Variants in UBE2W observed in about 807,000 individuals in gnomAD.
UBE2W encodes the protein ubiquitin-conjugating enzyme E2 W.
UBE2W carries 18 observed loss-of-function variants against 27.2 expected under a neutral mutation model. The observed-to-expected ratio is 0.66, with a 90% CI of 0.46 to 0.98. UBE2W has a LOEUF of 0.98. UBE2W is among the 50% of genes least tolerant of loss of function. The probability of loss-of-function intolerance (pLI) is 0.00; values close to 1 mark genes in which losing one functional copy is unlikely to be tolerated. For missense variants in UBE2W, 90 were observed against 180.2 expected (o/e 0.50, Z 2.87); for synonymous variants, 53 against 57.2 (o/e 0.93, Z 0.33).
chr8:73,875,024 G>C (rs993912931), intron 1 of UBE2W, among the ~76,000 whole-genome samples: 1 of 152,190 alleles, frequency 6.6e-6, no homozygotes, highest in Non-Finnish European at 1.5e-5. Context: ...GGGTGACACA[G>C]TGAGACCCTG....
rs1809474608 is a variant in UBE2W at position 73,818,291 on chromosome 8, A to G, written c.210+6856T>C. On this transcript the variant is annotated intron_variant, in intron 3 of 5. Transcript: ENST00000602593. ...TCAACCTTTAAAACAGGTCCAAAACATGACCACCTTCCAAAACGTCCACTG... is the reference window on the plus strand; with the variant it reads ...TCAACCTTTAAAACAGGTCCAAAACGTGACCACCTTCCAAAACGTCCACTG... Among the ~76,000 whole-genome samples, 4 of 152,270 alleles carry G rather than the reference A, an allele frequency of 2.6e-5. No individual in the cohort carries two copies. In the South Asian group the frequency reaches 8.3e-4, roughly 32 times the overall value.
intron 1 of UBE2W, among the ~76,000 whole-genome samples, chr8:73,844,069 G>A (rs1371784792): frequency 6.6e-6 from 1 of 152,166 alleles, no homozygotes; most frequent in African/African-American, 2.4e-5. Flanking sequence ...GGTCAATGAA[G>A]CCCAATTAAT....
chr8:73,823,995 T>C (rs376369968), intron 3 of UBE2W, among the ~76,000 whole-genome samples: 400 of 152,308 alleles, frequency 2.6e-3, no homozygotes, highest in African/African-American at 8.6e-3. Context: ...ATCTGGGAAA[T>C]ATTTCAGGTA....
rs1807989890 is a variant in UBE2W, at chr8:73,787,135, C to G, written c.*6967G>C. 2 of 985,264 alleles carry G rather than the reference C, an allele frequency of 2.0e-6. No homozygotes were observed. The highest frequency in any genetic ancestry group is 2.4e-6 in the Non-Finnish European group (2 of 829,936). The allele number at this position is 985,264 out of a possible 1,614,324, so 61.0% of individuals were successfully genotyped here. A position where few individuals can be genotyped will look rare whatever the true frequency, so the allele number is the denominator to read the frequency against. On this transcript the variant is annotated 3_prime_UTR_variant, in exon 6 of 6. Coordinates refer to ENST00000602593, the MANE Select transcript of UBE2W (RefSeq NM_018299.6). ...ACTTATGTATTTTGCATTATGCAGG[C>G]AAACATTAAAAATAAATCTTACAGG...
At chr8:73,873,648 C>G (rs1037439979) in intron 1 of UBE2W, among the ~76,000 whole-genome samples, 3 of 151,908 alleles carry the variant, frequency 2.0e-5, no homozygotes, top group African/African-American at 7.3e-5. Context: ...AGAGTGAGAC[C>G]CTGTCTCAGA....
At chr8:73,795,633 G>A (rs1808379975) in intron 5 of UBE2W, among the ~76,000 whole-genome samples, 2 of 152,076 alleles carry the variant, frequency 1.3e-5, no homozygotes, top group African/African-American at 4.8e-5. Flanking sequence ...CTTCTAAGCT[G>A]GGCAAACTCA....
intron 3 of UBE2W, among the ~76,000 whole-genome samples, chr8:73,818,407 T>G (rs561165517): frequency 6.6e-6 from 1 of 152,308 alleles, no homozygotes; most frequent in South Asian, 2.1e-4. Flanking sequence ...CCTGAACGGT[T>G]TATATGCCAC....
intron 1 of UBE2W, among the ~76,000 whole-genome samples, chr8:73,867,915 T>A (rs1811847808): frequency 6.6e-6 from 1 of 151,940 alleles, no homozygotes; most frequent in Non-Finnish European, 1.5e-5. Flanking sequence ...ACATAGAAAC[T>A]GGAGTTCTTG....
intron 2 of UBE2W, among the ~76,000 whole-genome samples, chr8:73,825,787 C>A (rs1469526896): frequency 6.6e-6 from 1 of 152,168 alleles, no homozygotes; most frequent in Non-Finnish European, 1.5e-5. Flanking sequence ...GGCTACAGGG[C>A]AAGACTGTCT....
intron 1 of UBE2W, among the ~76,000 whole-genome samples, chr8:73,866,674 C>T (rs1811786571): frequency 6.6e-6 from 1 of 151,892 alleles, no homozygotes; most frequent in African/African-American, 2.4e-5. Flanking sequence ...ACCAAATAAA[C>T]AAAGAAAAAA....
Position 73,788,831 on chromosome 8 carries a change from T to G in UBE2W, c.*5271A>C. On this transcript the variant is annotated 3_prime_UTR_variant, in exon 6 of 6. Transcript: ENST00000602593. ...CAAGGACTAGAACAAGAATTGGATC[T>G]CTCCTTTTCCCAGTCAACTCCTCAC... is the stretch of plus-strand genomic sequence containing the variant. 1.0e-6 allele frequency: 1 copy of G among 985,380 alleles called. No individual in the cohort carries two copies. Among genetic ancestry groups the G allele is most frequent in the Non-Finnish European group, 1.2e-6 (1 of 829,914 alleles). 61.0% of individuals were successfully genotyped at this position (985,380 alleles called of 1,614,324 possible).
At chr8:73,833,514 T>A (rs1810179984) in intron 1 of UBE2W, among the ~76,000 whole-genome samples, 1 of 152,122 alleles carries the variant, frequency 6.6e-6, no homozygotes, top group Non-Finnish European at 1.5e-5. Flanking sequence ...TGATCTGAGA[T>A]ATGTTAAGGT....
At chr8:73,826,782 A>G (rs1433449515) in intron 2 of UBE2W, among the ~76,000 whole-genome samples, 2 of 152,224 alleles carry the variant, frequency 1.3e-5, no homozygotes, top group Non-Finnish European at 2.9e-5. Flanking sequence ...TAACTACCTC[A>G]ATAATAAAAC....
At chr8:73,859,449 T>A (rs1811454220) in intron 1 of UBE2W, among the ~76,000 whole-genome samples, 1 of 152,356 alleles carries the variant, frequency 6.6e-6, no homozygotes, top group Non-Finnish European at 1.5e-5. Context: ...GAGGCTGCAG[T>A]GAGCTGAGAT....
intron 3 of UBE2W, among the ~76,000 whole-genome samples, chr8:73,822,783 C>CAA (rs57617416): frequency 4.0e-5 from 6 of 150,728 alleles, no homozygotes; most frequent in African/African-American, 4.9e-5. Context: ...GACGCTGTCT[C>CAA]AAAAAAAACA....
chr8:73,855,931 T>C (rs1212579163), intron 1 of UBE2W, among the ~76,000 whole-genome samples: 6 of 152,178 alleles, frequency 3.9e-5, no homozygotes, highest in Non-Finnish European at 7.4e-5. Flanking sequence ...ATTGAGAGTC[T>C]TTTTACATAT....
intron 1 of UBE2W, among the ~76,000 whole-genome samples, chr8:73,874,321 C>T (rs1812126994): frequency 6.6e-6 from 1 of 152,104 alleles, no homozygotes; most frequent in Non-Finnish European, 1.5e-5. Flanking sequence ...GTCCCAGCTA[C>T]GCGGGAGACT....
intron 5 of UBE2W, among the ~76,000 whole-genome samples, chr8:73,795,230 C>T (rs1808365006): frequency 6.6e-6 from 1 of 152,100 alleles, no homozygotes; most frequent in African/African-American, 2.4e-5. Flanking sequence ...TGAGTGATCC[C>T]CCATGTTGGA....
rs16938726 is a variant in UBE2W, at chr8:73,788,615, A to C, written c.*5487T>G. 0.012 allele frequency: 11,554 copies of C among 985,388 alleles called. 956 individuals carry two copies. In the African/African-American group the frequency reaches 0.18, roughly 15 times the overall value. The allele number at this position is 985,388 out of a possible 1,614,324, so 61.0% of individuals were successfully genotyped here. On this transcript the variant is annotated 3_prime_UTR_variant, in exon 6 of 6. Transcript: ENST00000602593. ...GGTAGATTTCAGGCTTTAAATTGTA[A>C]GTTTCAGGCTTCAAAAGAGGCAGGA...
Sources: gnomAD v4.1 joint callset for allele counts (sites outside exome capture counted in the v4.1 genomes callset) on GRCh38, gnomAD v4.1.1 for gene constraint, MANE v1.5 for transcripts, NCBI Gene and HGNC (gene_info 2026-07-23, HGNC 2026-07-21) for gene names.